The following ATP10B variants were observed in gnomAD, a reference collection of about 807,000 sequenced individuals.
The protein encoded by ATP10B is phospholipid-transporting ATPase VB.
In ATP10B, 122 loss-of-function variants were observed where a neutral mutation model predicts 141.2. That is an observed-to-expected ratio of 0.86 (90% CI 0.75 to 1.00). The LOEUF (loss-of-function observed/expected upper bound fraction) is 1.00, where lower values mean the gene tolerates loss of function less well. Ranked by LOEUF, ATP10B falls within the 50% of genes least tolerant of loss-of-function variation. The pLI is 0.00. For missense variants in ATP10B, 1,876 were observed against 1,825.3 expected (o/e 1.03, Z -0.51); for synonymous variants, 685 against 692.0 (o/e 0.99, Z 0.16).
At chr5:160,584,002 C>A (rs1483048878) in intron 24 of ATP10B, among the ~76,000 whole-genome samples, 14 of 152,146 alleles carry the variant, frequency 9.2e-5, no homozygotes, top group African/African-American at 3.4e-4. Flanking sequence ...GACCACTTGG[C>A]TCCCTGGCTT....
the ATP10B span, among the ~76,000 whole-genome samples, chr5:160,880,851 G>A: frequency 3.9e-4 from 59 of 152,180 alleles, 1 homozygote; most frequent in Middle Eastern, 3.4e-3. Context: ...AGAAAATGTA[G>A]GAGAAAACCT....
intron 1 of ATP10B, among the ~76,000 whole-genome samples, chr5:160,796,706 AT>A (rs1435181265): frequency 1.3e-5 from 2 of 152,298 alleles, no homozygotes; most frequent in East Asian, 3.9e-4. Context: ...ACCACAACTG[AT>A]TCCCTTCCCC....
the ATP10B span, among the ~76,000 whole-genome samples, chr5:160,877,067 GAC>G: frequency 2.0e-5 from 3 of 152,080 alleles, no homozygotes; most frequent in Non-Finnish European, 4.4e-5. Context: ...ACCAAAGCCG[GAC>G]AGAGACAACC....
At chr5:160,687,231 G>A (rs72818542) in intron 5 of ATP10B, among the ~76,000 whole-genome samples, 5,383 of 152,198 alleles carry the variant, frequency 0.035, 159 homozygotes, top group South Asian at 0.068. Flanking sequence ...ACTAATGTCT[G>A]TCTCTTTTAC....
chr5:160,650,462 T>G, intron 7 of ATP10B, among the ~76,000 whole-genome samples: 1 of 152,158 alleles, frequency 6.6e-6, no homozygotes, highest in Admixed American at 6.6e-5. Flanking sequence ...AATGAAGGAA[T>G]TCTTATCAGG....
intron 1 of ATP10B, among the ~76,000 whole-genome samples, chr5:160,799,325 C>T (rs576661496): frequency 1.4e-4 from 22 of 152,294 alleles, no homozygotes; most frequent in African/African-American, 5.1e-4. Context: ...CCACCATCAA[C>T]CACTTGAGGT....
chr5:160,640,354 G>T lies in ATP10B; in HGVS notation c.1000+107C>A, dbSNP rs570489109. The T allele has an allele frequency of 3.9e-5, 51 of 1,298,436 alleles. 1 individual carries two copies. Among genetic ancestry groups the T allele is most frequent in the East Asian group, 3.1e-4 (13 of 42,578 alleles). 80.4% of individuals were successfully genotyped at this position (1,298,436 alleles called of 1,614,324 possible). ...ATTGGCATCCCGTTAAAGTGGGCAG[G>T]GTAGGCTTTACATTTTATTAGCCCT... On this transcript the variant is annotated intron_variant, in intron 10 of 25. Transcript: ENST00000327245.
At chr5:160,598,747 C>G in intron 22 of ATP10B, 23 bp downstream of exon 22, 1 of 1,612,816 alleles carries the variant, frequency 6.2e-7, no homozygotes, top group Non-Finnish European at 8.5e-7. Context: ...AGTCACCTCC[C>G]TTTGGCTGCC....
intron 11 of ATP10B, among the ~76,000 whole-genome samples, chr5:160,635,533 A>G (rs1759302320): frequency 6.6e-6 from 1 of 152,200 alleles, no homozygotes; most frequent in Non-Finnish European, 1.5e-5. Context: ...AGATGAATGG[A>G]AAATAATCAC....
At position 160,815,680 on chromosome 5, in the gene ATP10B, G is replaced by C. The variant is rs186464056; in HGVS notation, c.-575-29877C>G. ...CAAGTGGACCTAATAGACATCTACA[G>C]AACTCTCCACCCCAAATCAACAGAA... On this transcript the variant is annotated intron_variant, in intron 1 of 25. Coordinates refer to ENST00000327245, the MANE Select transcript of ATP10B (RefSeq NM_025153.3). 7.9e-5 allele frequency among the ~76,000 whole-genome samples: 12 copies of C among 152,254 alleles called. No homozygotes were observed. The East Asian group carries it at 2.1e-3, about 27-fold the overall frequency.
chr5:160,835,495 G>T (rs968572515), intron 1 of ATP10B, among the ~76,000 whole-genome samples: 4 of 152,210 alleles, frequency 2.6e-5, no homozygotes, highest in African/African-American at 9.6e-5. Context: ...CACCTGCATT[G>T]GGAATAAGCT....
At chr5:160,790,279 T>C (rs79225317) in intron 1 of ATP10B, among the ~76,000 whole-genome samples, 20,303 of 152,154 alleles carry the variant, frequency 0.13, 1,463 homozygotes, top group African/African-American at 0.18. Context: ...TGAAAAAAGT[T>C]TGTAAAGAAG....
chr5:160,832,609 G>A (rs549663318), intron 1 of ATP10B, among the ~76,000 whole-genome samples: 1 of 152,234 alleles, frequency 6.6e-6, no homozygotes, highest in East Asian at 1.9e-4. Flanking sequence ...TGTATAACCT[G>A]TGCTTCTAGA....
At chr5:160,849,618 T>TACACACACAC (rs796968833) in intron 1 of ATP10B, among the ~76,000 whole-genome samples, 29,200 of 148,056 alleles carry the variant, frequency 0.2, 2,940 homozygotes, top group East Asian at 0.26. Flanking sequence ...TACTGGCAAT[T>TACACACACAC]ACACACACAC....
chr5:160,910,063 G>T, the ATP10B span, among the ~76,000 whole-genome samples: 4 of 152,128 alleles, frequency 2.6e-5, no homozygotes, highest in Non-Finnish European at 5.9e-5. Flanking sequence ...AGCCCCATAT[G>T]ATCAGGTCTC....
intron 2 of ATP10B, among the ~76,000 whole-genome samples, chr5:160,774,435 G>C (rs1020416511): frequency 3.3e-5 from 5 of 152,178 alleles, no homozygotes; most frequent in Non-Finnish European, 2.9e-5. Context: ...TTGATATTCA[G>C]AATTTGTACA....
At chr5:160,731,645 G>A (rs1352202479) in intron 2 of ATP10B, among the ~76,000 whole-genome samples, 1 of 152,060 alleles carries the variant, frequency 6.6e-6, no homozygotes, top group Non-Finnish European at 1.5e-5. Context: ...GAGTACTGGT[G>A]GAAAAATGTC....
chr5:160,903,326 C>G, the ATP10B span, among the ~76,000 whole-genome samples: 1 of 152,134 alleles, frequency 6.6e-6, no homozygotes, highest in Non-Finnish European at 1.5e-5. Flanking sequence ...GTTGCAGATA[C>G]CAGAGCTTGA....
chr5:160,828,501 A>T (rs1358048351), intron 1 of ATP10B, among the ~76,000 whole-genome samples: 1 of 152,132 alleles, frequency 6.6e-6, no homozygotes, highest in Non-Finnish European at 1.5e-5. Flanking sequence ...TCAAAACCAC[A>T]ATGAGATACC....
Sources: gnomAD v4.1 joint callset for allele counts (sites outside exome capture counted in the v4.1 genomes callset) on GRCh38, gnomAD v4.1.1 for gene constraint, MANE v1.5 for transcripts, NCBI Gene and HGNC (gene_info 2026-07-23, HGNC 2026-07-21) for gene names.